Variants in HPCAL1 observed in about 807,000 individuals in gnomAD.
HPCAL1 encodes the protein hippocalcin like 1.
A neutral mutation model predicts 17.1 loss-of-function variants in HPCAL1; 8 were observed. The observed-to-expected ratio is 0.47, with a 90% CI of 0.27 to 0.84. The LOEUF (loss-of-function observed/expected upper bound fraction) is 0.84, where lower values mean the gene tolerates loss of function less well. Among genes scored for constraint, HPCAL1 ranks in the 40% least tolerant of loss-of-function variants. The pLI is 0.13. For missense variants in HPCAL1, 165 were observed against 271.1 expected (o/e 0.61, Z 2.75); for synonymous variants, 112 against 111.4 (o/e 1.01, Z -0.03).
intron 1 of HPCAL1, among the ~76,000 whole-genome samples, chr2:10,356,383 C>A (rs1558482385): frequency 6.6e-6 from 1 of 152,056 alleles, no homozygotes; most frequent in African/African-American, 2.4e-5. Flanking sequence ...TAGTTTTGAA[C>A]TGGGACTTGA....
chr2:10,413,954 C>T (rs1014161811), intron 2 of HPCAL1, among the ~76,000 whole-genome samples: 3 of 152,234 alleles, frequency 2.0e-5, no homozygotes, highest in African/African-American at 7.2e-5. Context: ...TGCCACTAGC[C>T]AACAATGTGT....
chr2:10,407,261 T>C (rs1670032673), intron 2 of HPCAL1, among the ~76,000 whole-genome samples: 1 of 152,332 alleles, frequency 6.6e-6, no homozygotes, highest in South Asian at 2.1e-4. Flanking sequence ...CGAGTCTGAA[T>C]GTGCCTTCTT....
chr2:10,426,428 G>C, intron 4 of HPCAL1: 1 of 375,168 alleles, frequency 2.7e-6, no homozygotes, highest in Non-Finnish European at 5.0e-6. Context: ...CTTAATAAGC[G>C]AAGTGTGGGG....
chr2:10,306,111 C>T (rs1008193066), intron 1 of HPCAL1, among the ~76,000 whole-genome samples: 3 of 152,284 alleles, frequency 2.0e-5, no homozygotes, highest in Middle Eastern at 3.4e-3. Flanking sequence ...AGGGTACTAA[C>T]GGGGGCCCCG....
intron 1 of HPCAL1, among the ~76,000 whole-genome samples, chr2:10,375,110 G>A (rs913123343): frequency 2.6e-5 from 4 of 152,188 alleles, no homozygotes; most frequent in South Asian, 2.1e-4. Context: ...GAAAAGAGGC[G>A]GGGAAGGGGA....
At chr2:10,382,956 G>C (rs557921080) in intron 1 of HPCAL1, among the ~76,000 whole-genome samples, 13 of 152,156 alleles carry the variant, frequency 8.5e-5, no homozygotes, top group Admixed American at 7.9e-4. Flanking sequence ...GTGGCGGCTC[G>C]CTTGTGCACC....
At chr2:10,399,534 A>ACCACCG (rs1669430337) in intron 2 of HPCAL1, among the ~76,000 whole-genome samples, 1 of 114,442 alleles carries the variant, frequency 8.7e-6, no homozygotes, top group Non-Finnish European at 1.7e-5. Context: ...CGCCACTGCC[A>ACCACCG]CCGCCACCAT....
At chr2:10,390,103 A>C (rs1668596076) in intron 1 of HPCAL1, among the ~76,000 whole-genome samples, 1 of 152,222 alleles carries the variant, frequency 6.6e-6, no homozygotes, top group Non-Finnish European at 1.5e-5. Flanking sequence ...GTCAGTTCCC[A>C]GTGCCCCAGG....
chr2:10,347,035 G>A (rs1665508347), intron 1 of HPCAL1, among the ~76,000 whole-genome samples: 1 of 140,152 alleles, frequency 7.1e-6, no homozygotes. Flanking sequence ...CCTCAGAGGA[G>A]CAGAGTGCTC....
chr2:10,415,697 TG>T (rs1379063409), intron 2 of HPCAL1, among the ~76,000 whole-genome samples: 12 of 152,330 alleles, frequency 7.9e-5, no homozygotes, highest in African/African-American at 2.6e-4. Flanking sequence ...ACGACCACCC[TG>T]CCATCCCTGT....
At chr2:10,390,952 G>T (rs960277718) in intron 1 of HPCAL1, among the ~76,000 whole-genome samples, 6 of 152,222 alleles carry the variant, frequency 3.9e-5, no homozygotes, top group Non-Finnish European at 5.9e-5. Flanking sequence ...TGAGGGCCTG[G>T]GGTCCGGCAC....
Position 10,377,948 on chromosome 2 carries a change from C to T in HPCAL1, c.-110-18887C>T, listed in dbSNP as rs1159119089. On this transcript the variant is annotated intron_variant, in intron 1 of 4. Transcript: ENST00000307845. The surrounding 1 kb of genome is among the most constrained non-coding windows in gnomAD (Gnocchi z 5.9). Reference sequence around the variant, plus strand: ...GCGGCGAAGATGCTGGTTGAGGGCACGGGTGAGGCGGGGAGGCGTTTCGAC... The same window carrying T: ...GCGGCGAAGATGCTGGTTGAGGGCATGGGTGAGGCGGGGAGGCGTTTCGAC... 6.6e-5 allele frequency among the ~76,000 whole-genome samples: 10 copies of T among 152,106 alleles called. No homozygotes were observed. Among genetic ancestry groups the T allele is most frequent in the African/African-American group, 9.7e-5 (4 of 41,406 alleles).
intron 1 of HPCAL1, among the ~76,000 whole-genome samples, chr2:10,308,825 A>G (rs1662781349): frequency 6.6e-6 from 1 of 152,204 alleles, no homozygotes; most frequent in African/African-American, 2.4e-5. Flanking sequence ...GCCCTGCTAC[A>G]TACATACCTT....
chr2:10,379,309 G>T (rs1388538829), intron 1 of HPCAL1, among the ~76,000 whole-genome samples: 1 of 151,818 alleles, frequency 6.6e-6, no homozygotes, highest in Non-Finnish European at 1.5e-5. Context: ...CAGAAAAATT[G>T]TGAGGATGAG....
rs1665163256 is a variant in HPCAL1, at chr2:10,342,566, G to T, written c.-111+39389G>T. Among the ~76,000 whole-genome samples, 1 of 152,248 alleles carries T rather than the reference G, an allele frequency of 6.6e-6. No individual in the cohort carries two copies. The highest frequency in any genetic ancestry group is 6.5e-5 in the Admixed American group (1 of 15,284). Reference sequence around the variant, plus strand: ...TTGTGCTGGACTTTGCAGGATGCCAGACTTTTGGCAGGGGAGGAAATTGAG... The same window carrying T: ...TTGTGCTGGACTTTGCAGGATGCCATACTTTTGGCAGGGGAGGAAATTGAG... On this transcript the variant is annotated intron_variant, in intron 1 of 4. Transcript: ENST00000307845. This position sits in a 1 kb window ranked among gnomAD's most constrained non-coding sequence, Gnocchi z 4.1.
chr2:10,336,148 A>G (rs1282860619), intron 1 of HPCAL1, among the ~76,000 whole-genome samples: 2 of 148,724 alleles, frequency 1.3e-5, no homozygotes, highest in Non-Finnish European at 1.5e-5. Flanking sequence ...CTGTAAATTA[A>G]TTGCATGTTC....
intron 1 of HPCAL1, among the ~76,000 whole-genome samples, chr2:10,320,733 C>T (rs1016923798): frequency 2.0e-5 from 3 of 152,186 alleles, no homozygotes; most frequent in Non-Finnish European, 2.9e-5. Flanking sequence ...CTTGGTGGGG[C>T]TCCCATTCAT....
rs535844138 is a variant in HPCAL1, at chr2:10,395,218, CTT to C, written c.-110-1615_-110-1614del. Among the ~76,000 whole-genome samples the C allele has an allele frequency of 2.5e-3, 384 of 151,872 alleles. 1 individual carries two copies. The highest frequency in any genetic ancestry group is 6.8e-3 in the Middle Eastern group (2 of 294). On this transcript the variant is annotated intron_variant, in intron 1 of 4. Coordinates refer to ENST00000307845, the MANE Select transcript of HPCAL1 (RefSeq NM_002149.4). The surrounding 1 kb of genome is among the most constrained non-coding windows in gnomAD (Gnocchi z 4.4). Reference sequence around the variant, plus strand: ...GAATTTCTGGTGGGAAGATGTATGACTTTGTCAGGTCTTGAATTCTAGCAGTG... The same window carrying C: ...GAATTTCTGGTGGGAAGATGTATGACTGTCAGGTCTTGAATTCTAGCAGTG...
intron 1 of HPCAL1, among the ~76,000 whole-genome samples, chr2:10,355,174 G>A (rs1968172): frequency 0.13 from 19,899 of 152,164 alleles, 1,752 homozygotes; most frequent in East Asian, 0.46. Context: ...TAACGGGGCC[G>A]GGCGCGGTGG....
Sources: gnomAD v4.1 joint callset for allele counts (sites outside exome capture counted in the v4.1 genomes callset) on GRCh38, gnomAD v4.1.1 for gene constraint, Gnocchi (gnomAD v3.1) non-coding constraint, MANE v1.5 for transcripts, NCBI Gene and HGNC (gene_info 2026-07-23, HGNC 2026-07-21) for gene names.